Variants in SLC25A12 observed in about 807,000 individuals in gnomAD.
SLC25A12 encodes the protein electrogenic aspartate/glutamate antiporter SLC25A12, mitochondrial.
SLC25A12 carries 32 observed loss-of-function variants against 83.3 expected under a neutral mutation model. The observed-to-expected ratio is 0.38, with a 90% confidence interval of 0.29 to 0.52. The LOEUF (loss-of-function observed/expected upper bound fraction) is 0.52, where lower values mean the gene tolerates loss of function less well. Among genes scored for constraint, SLC25A12 ranks in the 20% least tolerant of loss-of-function variants. The pLI, the probability that SLC25A12 is intolerant of heterozygous loss-of-function variation, is 0.84. For synonymous variants in SLC25A12, 267 were observed against 291.1 expected, an observed-to-expected ratio of 0.92 and a Z score of 0.84; for missense variants, 611 against 835.6, an observed-to-expected ratio of 0.73 and a Z score of 3.31.
At chr2:171,821,190 T>G (rs1684185627) in intron 9 of SLC25A12, among the ~76,000 whole-genome samples, 1 of 151,802 alleles carries the variant, frequency 6.6e-6, no homozygotes, top group Non-Finnish European at 1.5e-5. Context: ...CCACTATGCC[T>G]GGCTAAATTT....
chr2:171,882,112 G>T (rs1685707070), intron 2 of SLC25A12, among the ~76,000 whole-genome samples: 1 of 152,156 alleles, frequency 6.6e-6, no homozygotes, highest in African/African-American at 2.4e-5. Flanking sequence ...CTGTCTCCCA[G>T]CCTCCCTGAG....
At chr2:171,841,221 A>G (rs1387496546) in intron 5 of SLC25A12, among the ~76,000 whole-genome samples, 2 of 152,174 alleles carry the variant, frequency 1.3e-5, no homozygotes, top group African/African-American at 2.4e-5. Context: ...CTGGGATTAC[A>G]GGTGCCTGCC....
rs947369597 is a variant in SLC25A12 at position 171,886,196 on chromosome 2, A to G, written c.66+7009T>C. Among the ~76,000 whole-genome samples the G allele has an allele frequency of 2.0e-5, 3 of 151,050 alleles. No individual in the cohort carries two copies. The East Asian group carries it at 5.8e-4, about 29-fold the overall frequency. ...ATAACTTTCATAGTATAGTTATTCC[A>G]TAAGTCTTCTACCACTCCTCTTTAA... On this transcript the variant is annotated intron_variant, in intron 2 of 17. Coordinates refer to ENST00000422440, the MANE Select transcript of SLC25A12 (RefSeq NM_003705.5).
At chr2:171,874,091 T>C (rs1300517362) in intron 2 of SLC25A12, among the ~76,000 whole-genome samples, 6 of 152,250 alleles carry the variant, frequency 3.9e-5, no homozygotes, top group Admixed American at 2.6e-4. Context: ...ACGGGTGTGG[T>C]GGCGCATGCC....
At chr2:171,857,969 T>C (rs977496160) in intron 3 of SLC25A12, among the ~76,000 whole-genome samples, 2 of 152,144 alleles carry the variant, frequency 1.3e-5, no homozygotes, top group African/African-American at 2.4e-5. Context: ...GTTGGGTTTC[T>C]AGAACTTAAT....
In SLC25A12 at chr2:171,844,385, A is replaced by C; in HGVS notation, c.449T>G (p.Phe150Cys). The change falls in exon 5 of 18, where the codon TTC becomes TGC. Residue 150 changes from phenylalanine to cysteine, a missense_variant. Physicochemically the swap from Phe to Cys is radical, Grantham distance 205. This residue lies in a region of SLC25A12 where 540 missense variants were observed against 777.5 expected (regional missense o/e 0.69). Transcript: ENST00000422440. ...NRKKHLNYTE[F>C]TQFLQELQLE... ...TAAGCTCACCTGGAGAAACTGCGTGAATTCTGTGTAGTTAAGATGCTTCTT... is the reference window on the plus strand; with the variant it reads ...TAAGCTCACCTGGAGAAACTGCGTGCATTCTGTGTAGTTAAGATGCTTCTT... 1 of 1,614,054 alleles carries C rather than the reference A, an allele frequency of 6.2e-7. No individual in the cohort carries two copies. Among genetic ancestry groups the C allele is most frequent in the East Asian group, 2.2e-5 (1 of 44,830 alleles).
At chr2:171,794,332 A>C (rs1391403444) in intron 13 of SLC25A12, among the ~76,000 whole-genome samples, 2 of 152,238 alleles carry the variant, frequency 1.3e-5, no homozygotes, top group African/African-American at 4.8e-5. Context: ...AAAATGTATT[A>C]TCCTAAGCAA....
intron 7 of SLC25A12, chr2:171,834,262 A>G (rs1239775088): frequency 2.6e-5 from 14 of 530,246 alleles, no homozygotes; most frequent in African/African-American, 3.8e-5. Flanking sequence ...TTAAGATGAT[A>G]AAACAGCAAA....
intron 2 of SLC25A12, among the ~76,000 whole-genome samples, chr2:171,889,954 T>C (rs1417164791): frequency 6.6e-6 from 1 of 152,244 alleles, no homozygotes; most frequent in Non-Finnish European, 1.5e-5. Flanking sequence ...CAATAAATGT[T>C]AGCCATTGTC....
chr2:171,880,851 C>T (rs1432747967), intron 2 of SLC25A12, among the ~76,000 whole-genome samples: 1 of 152,080 alleles, frequency 6.6e-6, no homozygotes, highest in East Asian at 1.9e-4. Context: ...ACTAACATAC[C>T]TGTATCTCCA....
intron 4 of SLC25A12, among the ~76,000 whole-genome samples, chr2:171,846,526 G>A (rs1389672365): frequency 6.6e-6 from 1 of 151,958 alleles, no homozygotes; most frequent in African/African-American, 2.4e-5. Flanking sequence ...AAATTTTTTT[G>A]GCTGGGCACA....
intron 3 of SLC25A12, among the ~76,000 whole-genome samples, chr2:171,866,657 C>T (rs1685320794): frequency 7.9e-6 from 1 of 125,832 alleles, no homozygotes; most frequent in Non-Finnish European, 1.7e-5. Context: ...CACCTCCCTC[C>T]CGAACGGGGC....
chr2:171,819,377 T>TATATATA (rs1288018270), intron 9 of SLC25A12, among the ~76,000 whole-genome samples: 1 of 39,790 alleles, frequency 2.5e-5, no homozygotes, highest in Non-Finnish European at 7.2e-5. Flanking sequence ...TATAATATAT[T>TATATATA]ATATATAATA....
At chr2:171,886,555 G>T (rs962378018) in intron 2 of SLC25A12, among the ~76,000 whole-genome samples, 1 of 151,140 alleles carries the variant, frequency 6.6e-6, no homozygotes, top group African/African-American at 2.4e-5. Context: ...TGTCGCCCAG[G>T]CTGGAGTGCA....
chr2:171,785,548 G>A lies in SLC25A12; in HGVS notation c.1836-73C>T, dbSNP rs923336062. On this transcript the variant is annotated intron_variant, in intron 17 of 17. Transcript: ENST00000422440. Reference sequence around the variant, plus strand: ...GCGCAGCTTACAGCTGGACATTTTCGGTCTGACCCATGTGCCACAAAGAAG... The same window carrying A: ...GCGCAGCTTACAGCTGGACATTTTCAGTCTGACCCATGTGCCACAAAGAAG... 65 of 1,355,916 alleles carry A rather than the reference G, an allele frequency of 4.8e-5. No individual in the cohort carries two copies. In the Admixed American group the frequency reaches 8.3e-4, roughly 17 times the overall value. The allele number at this position is 1,355,916 out of a possible 1,614,324, so 84.0% of individuals were successfully genotyped here. A position where few individuals can be genotyped will look rare whatever the true frequency, so the allele number is the denominator to read the frequency against.
chr2:171,805,523 G>C (rs940439558), intron 13 of SLC25A12, among the ~76,000 whole-genome samples: 1 of 152,222 alleles, frequency 6.6e-6, no homozygotes, highest in Admixed American at 6.5e-5. Flanking sequence ...TATGGATTTG[G>C]AGATAGAAGT....
At chr2:171,791,164 G>A (rs1195583889) in intron 15 of SLC25A12, among the ~76,000 whole-genome samples, 1 of 152,076 alleles carries the variant, frequency 6.6e-6, no homozygotes, top group Non-Finnish European at 1.5e-5. Context: ...GGTTTCAGGG[G>A]CACAGGAAAC....
intron 10 of SLC25A12, 92 bp downstream of exon 10, chr2:171,815,029 C>T: frequency 9.7e-7 from 1 of 1,029,560 alleles, no homozygotes; most frequent in Non-Finnish European, 1.5e-6. Flanking sequence ...CCCATGGGAA[C>T]AATGAACTGC....
chr2:171,848,405 T>G (rs1446465074), intron 4 of SLC25A12: 1 of 389,168 alleles, frequency 2.6e-6, no homozygotes, highest in African/African-American at 2.1e-5. Flanking sequence ...GACCAAACAT[T>G]CTTATTGTCA....
Sources: gnomAD v4.1 joint callset for allele counts (sites outside exome capture counted in the v4.1 genomes callset) on GRCh38, gnomAD v4.1.1 for gene constraint, gnomAD v4.1.1 regional missense constraint, MANE v1.5 for transcripts, NCBI Gene and HGNC (gene_info 2026-07-23, HGNC 2026-07-21) for gene names.